CSMD1: variants seen among roughly 807,000 people sequenced by gnomAD.
The protein encoded by CSMD1 is CUB and sushi domain-containing protein 1.
A neutral mutation model predicts 417.5 loss-of-function variants in CSMD1; 213 were observed. That is an observed-to-expected ratio of 0.51 (90% CI 0.46 to 0.57). The LOEUF is 0.57. Ranked by LOEUF, CSMD1 falls within the 20% of genes least tolerant of loss-of-function variation. CSMD1 has a pLI of 0.00. For synonymous variants in CSMD1, 2,862 were observed against 1,736.8 expected (o/e 1.65, Z -16.11); for missense variants, 6,923 against 4,529.7 (o/e 1.53, Z -15.17).
intron 11 of CSMD1, among the ~76,000 whole-genome samples, chr8:3,470,558 C>T (rs1438629910): frequency 6.6e-6 from 1 of 152,114 alleles, no homozygotes; most frequent in Non-Finnish European, 1.5e-5. Flanking sequence ...GCATGTAGCT[C>T]TGCACAAATA....
At chr8:4,331,081 C>A (rs1409248952) in intron 3 of CSMD1, among the ~76,000 whole-genome samples, 4 of 152,182 alleles carry the variant, frequency 2.6e-5, no homozygotes, top group Non-Finnish European at 5.9e-5. Context: ...TCTTATTCTC[C>A]AATATGCAAC....
At chr8:4,804,779 C>T (rs1197899256) in intron 1 of CSMD1, among the ~76,000 whole-genome samples, 1 of 152,172 alleles carries the variant, frequency 6.6e-6, no homozygotes, top group Non-Finnish European at 1.5e-5. Context: ...GTTCTGTTTA[C>T]ATGATACAAT....
intron 3 of CSMD1, among the ~76,000 whole-genome samples, chr8:4,058,565 C>G (rs1404431923): frequency 6.6e-6 from 1 of 151,688 alleles, no homozygotes; most frequent in African/African-American, 2.4e-5. Context: ...GAACTTCCAA[C>G]ATATAGGCTC....
At chr8:3,690,339 G>T (rs1800172617) in intron 7 of CSMD1, among the ~76,000 whole-genome samples, 1 of 152,240 alleles carries the variant, frequency 6.6e-6, no homozygotes, top group Non-Finnish European at 1.5e-5. Context: ...CTGGGTGACA[G>T]AACGAGACTC....
chr8:4,718,395 A>G (rs186790588), intron 1 of CSMD1, among the ~76,000 whole-genome samples: 14 of 152,252 alleles, frequency 9.2e-5, no homozygotes, highest in African/African-American at 2.9e-4. Context: ...TTAACATGAT[A>G]AAACACATCT....
intron 3 of CSMD1, among the ~76,000 whole-genome samples, chr8:4,381,487 G>T (rs913800146): frequency 6.6e-6 from 1 of 152,154 alleles, no homozygotes; most frequent in Non-Finnish European, 1.5e-5. Context: ...CTTCCAACTG[G>T]CAGGCCTATA....
At chr8:4,361,020 C>G (rs1423622197) in intron 3 of CSMD1, among the ~76,000 whole-genome samples, 3 of 152,104 alleles carry the variant, frequency 2.0e-5, no homozygotes, top group Non-Finnish European at 2.9e-5. Context: ...TAAAATATTT[C>G]TTAAAATTAA....
intron 1 of CSMD1, among the ~76,000 whole-genome samples, chr8:4,710,440 T>A (rs2116860547): frequency 6.9e-6 from 1 of 145,844 alleles, no homozygotes; most frequent in East Asian, 2.0e-4. Context: ...ATATAAACTT[T>A]ATATATTGAT....
At chr8:4,467,967 G>A (rs1800286729) in intron 2 of CSMD1, among the ~76,000 whole-genome samples, 1 of 152,172 alleles carries the variant, frequency 6.6e-6, no homozygotes, top group African/African-American at 2.4e-5. Context: ...TGGTTTACAA[G>A]GCTTGACTAA....
At chr8:4,762,659 C>G (rs1485314916) in intron 1 of CSMD1, among the ~76,000 whole-genome samples, 3 of 152,118 alleles carry the variant, frequency 2.0e-5, no homozygotes, top group Non-Finnish European at 4.4e-5. Context: ...TCTGCTGTAG[C>G]TGTGTGGTTC....
chr8:4,607,489 G>A (rs1800939070), intron 2 of CSMD1, among the ~76,000 whole-genome samples: 1 of 152,030 alleles, frequency 6.6e-6, no homozygotes, highest in Non-Finnish European at 1.5e-5. Context: ...GAAAACCCAG[G>A]GTGTGTGCCA....
At chr8:3,569,695 G>A (rs1361879943) in intron 10 of CSMD1, among the ~76,000 whole-genome samples, 1 of 152,030 alleles carries the variant, frequency 6.6e-6, no homozygotes, top group East Asian at 1.9e-4. Context: ...GCACTTAATT[G>A]AGAAACCCAC....
intron 5 of CSMD1, among the ~76,000 whole-genome samples, chr8:3,920,008 G>A (rs1051062348): frequency 4.6e-5 from 7 of 151,366 alleles, no homozygotes; most frequent in South Asian, 2.1e-4. Context: ...TTTTACTTTA[G>A]GATTTACCAA....
At chr8:3,666,152 T>TC (rs1798683315) in intron 7 of CSMD1, among the ~76,000 whole-genome samples, 1 of 152,192 alleles carries the variant, frequency 6.6e-6, no homozygotes, top group Non-Finnish European at 1.5e-5. Context: ...TGCCCTGGCC[T>TC]CCCCAAATGC....
chr8:4,029,097 T>G (rs929600384), intron 4 of CSMD1, among the ~76,000 whole-genome samples: 1 of 152,100 alleles, frequency 6.6e-6, no homozygotes, highest in Non-Finnish European at 1.5e-5. Flanking sequence ...ACACATTAAA[T>G]GGTCAAGGAG....
chr8:4,964,493 C>A (rs1233785833), intron 1 of CSMD1, among the ~76,000 whole-genome samples: 1 of 104,884 alleles, frequency 9.5e-6, no homozygotes, highest in Non-Finnish European at 1.8e-5. Flanking sequence ...CACAGCAAGA[C>A]CCTGTCTCCA....
At chr8:4,597,607 A>C (rs139205854) in intron 2 of CSMD1, among the ~76,000 whole-genome samples, 2 of 152,334 alleles carry the variant, frequency 1.3e-5, no homozygotes, top group Non-Finnish European at 2.9e-5. Context: ...ATGAAAATGG[A>C]ATATTTAAGA....
chr8:4,782,809 T>A (rs1471775413), intron 1 of CSMD1, among the ~76,000 whole-genome samples: 1 of 152,184 alleles, frequency 6.6e-6, no homozygotes, highest in East Asian at 1.9e-4. Context: ...TATTTTCACA[T>A]GGTCCACCAA....
At chr8:4,396,846 A>C (rs150543436) in intron 3 of CSMD1, among the ~76,000 whole-genome samples, 3 of 152,112 alleles carry the variant, frequency 2.0e-5, no homozygotes, top group Admixed American at 6.6e-5. Flanking sequence ...ATGAAAAGGC[A>C]TAAGAATGAT....
Sources: allele counts gnomAD v4.1 joint callset (sites outside exome capture counted in the v4.1 genomes callset), GRCh38; gene constraint gnomAD v4.1.1; transcripts MANE v1.5; gene names NCBI Gene and HGNC (gene_info 2026-07-23, HGNC 2026-07-21).